SPARCL1: variants seen among roughly 807,000 people sequenced by gnomAD.
SPARCL1 encodes the protein SPARC-like protein 1.
SPARCL1 carries 52 observed loss-of-function variants against 67.1 expected under a neutral mutation model. That is an observed-to-expected ratio of 0.78 (90% CI 0.62 to 0.98). SPARCL1 has a LOEUF of 0.98. SPARCL1 is among the 50% of genes least tolerant of loss of function. SPARCL1 has a pLI of 0.00. For missense variants in SPARCL1, 717 were observed against 782.4 expected (o/e 0.92, Z 1.00); for synonymous variants, 226 against 267.8 (o/e 0.84, Z 1.52).
At chr4:87,515,898 ATAT>A (rs1725562831) in intron 1 of SPARCL1, among the ~76,000 whole-genome samples, 1 of 152,200 alleles carries the variant, frequency 6.6e-6, no homozygotes, top group Non-Finnish European at 1.5e-5. Context: ...ATAGGTATAA[ATAT>A]TATGGTAGAG....
chr4:87,510,789 T>C (rs4693827), intron 1 of SPARCL1, among the ~76,000 whole-genome samples: 51,213 of 152,094 alleles, frequency 0.34, 9,638 homozygotes, highest in East Asian at 0.6. Context: ...CGGAAGGCAG[T>C]TGCCCTACGT....
intron 4 of SPARCL1, among the ~76,000 whole-genome samples, chr4:87,491,951 CCCCCA>C (rs797003321): frequency 0.078 from 4,615 of 59,068 alleles, 329 homozygotes; most frequent in African/African-American, 0.3. Flanking sequence ...CCCACCCCCC[CCCCCA>C]AAAAAAAAAA....
At chr4:87,479,309 C>T in intron 10 of SPARCL1, 121 bp downstream of exon 10, 1 of 1,073,918 alleles carries the variant, frequency 9.3e-7, no homozygotes, top group Non-Finnish European at 1.4e-6. Context: ...GGGAAGCTGC[C>T]ACCTTTTTTT....
chr4:87,480,506 G>A lies in SPARCL1; in HGVS notation c.1683C>T (p.Tyr561=), dbSNP rs1360689776. The change falls in exon 9 of 11, where the codon TAC becomes TAT. Residue 561 remains tyrosine (Y), a synonymous_variant. Transcript: ENST00000282470. ...EKQRNKVKKI[Y]LDEKRLLAGD... ...CAGCCAAAAGCCTCTTTTCATCCAGGTAAATTTTCTTGACCTGGGATTAGG... is the reference window on the plus strand; with the variant it reads ...CAGCCAAAAGCCTCTTTTCATCCAGATAAATTTTCTTGACCTGGGATTAGG... 4.4e-6 allele frequency: 7 copies of A among 1,608,532 alleles called. No homozygotes were observed. The Admixed American group carries it at 1.2e-4, about 27-fold the overall frequency.
At chr4:87,500,763 A>G (rs1215752065) in intron 1 of SPARCL1, among the ~76,000 whole-genome samples, 1 of 152,222 alleles carries the variant, frequency 6.6e-6, no homozygotes, top group African/African-American at 2.4e-5. Flanking sequence ...TATTGCAACA[A>G]CTATCACTTC....
intron 3 of SPARCL1, 102 bp from the exon 4 acceptor site, chr4:87,494,700 A>G (rs533511195): frequency 1.4e-5 from 14 of 984,708 alleles, no homozygotes; most frequent in African/African-American, 6.6e-5. Context: ...TTCACACACT[A>G]TCATGTAAAC....
chr4:87,491,369 A>G (rs1724318556), intron 5 of SPARCL1, among the ~76,000 whole-genome samples: 1 of 152,254 alleles, frequency 6.6e-6, no homozygotes, highest in African/African-American at 2.4e-5. Flanking sequence ...AAAAGGATTT[A>G]AGGAAGAACT....
chr4:87,473,804 C>T lies in SPARCL1; in HGVS notation c.1967-1G>A, dbSNP rs370529794. ...AACAAGAGATTTTCATCTATGTCCT[C>T]TATAAAAAAACAAGAAGCAAAATGA... On this transcript the variant is annotated splice_acceptor_variant, in intron 10 of 10. Transcript: ENST00000282470. LOFTEE classifies it high-confidence loss of function. 3.9e-5 allele frequency: 62 copies of T among 1,604,194 alleles called. No individual in the cohort carries two copies. The highest frequency in any genetic ancestry group is 5.1e-5 in the Non-Finnish European group (60 of 1,173,622).
Position 87,479,197 on chromosome 4 carries a change from C to A in SPARCL1, c.1966+233G>T, listed in dbSNP as rs569091417. 2.6e-5 allele frequency among the ~76,000 whole-genome samples: 4 copies of A among 152,292 alleles called. No homozygotes were observed. The East Asian group carries it at 7.7e-4, about 29-fold the overall frequency. ...TTCTAGGCTTAGCTGACTGTTGAGA[C>A]CTCAATGCATGTTCACCCTTGCTAC... On this transcript the variant is annotated intron_variant, in intron 10 of 10. Transcript: ENST00000282470.
At chr4:87,528,474 G>A (rs1044688815) in intron 1 of SPARCL1, 1 of 151,844 alleles carries the variant, frequency 6.6e-6, no homozygotes, top group Non-Finnish European at 1.5e-5. Context: ...GCTGTAAAAG[G>A]GAACCAAGAA....
chr4:87,491,113 T>C (rs530816905), intron 5 of SPARCL1, among the ~76,000 whole-genome samples: 3 of 152,210 alleles, frequency 2.0e-5, no homozygotes, highest in Non-Finnish European at 2.9e-5. Flanking sequence ...TAATCTAGAT[T>C]TCCTCTTGCA....
chr4:87,480,858 A>G (rs753377792), intron 8 of SPARCL1, among the ~76,000 whole-genome samples: 3 of 150,164 alleles, frequency 2.0e-5, no homozygotes, highest in Non-Finnish European at 2.9e-5. Context: ...GTTTTAATGA[A>G]AAGGGCTGAA....
At chr4:87,488,471 G>A (rs1011709746) in intron 7 of SPARCL1, among the ~76,000 whole-genome samples, 5 of 152,202 alleles carry the variant, frequency 3.3e-5, no homozygotes, top group Middle Eastern at 3.4e-3. Flanking sequence ...TGGAAGCTTC[G>A]TCCCAGAGGG....
chr4:87,485,758 A>G (rs1452957538), intron 7 of SPARCL1, among the ~76,000 whole-genome samples: 1 of 152,100 alleles, frequency 6.6e-6, no homozygotes, highest in Non-Finnish European at 1.5e-5. Context: ...TTATTGGTCT[A>G]TTCAGGGATT....
chr4:87,482,640 G>C, intron 7 of SPARCL1, 80 bp from the exon 8 acceptor site: 1 of 1,505,126 alleles, frequency 6.6e-7, no homozygotes, highest in Non-Finnish European at 9.1e-7. Flanking sequence ...GAAGCTTAAC[G>C]ACTTCTGGCA....
intron 1 of SPARCL1, among the ~76,000 whole-genome samples, chr4:87,509,780 T>C (rs1248572687): frequency 1.3e-5 from 2 of 152,232 alleles, no homozygotes; most frequent in Non-Finnish European, 2.9e-5. Context: ...TAAGTGTCTG[T>C]GTGTGCACGC....
intron 1 of SPARCL1, among the ~76,000 whole-genome samples, chr4:87,517,400 G>A (rs972782102): frequency 1.2e-4 from 19 of 152,170 alleles, no homozygotes; most frequent in South Asian, 4.1e-4. Context: ...AAGTCCTGGC[G>A]TTTGTGACGT....
intron 1 of SPARCL1, among the ~76,000 whole-genome samples, chr4:87,500,617 T>C (rs1321983512): frequency 1.3e-5 from 2 of 152,120 alleles, no homozygotes; most frequent in Non-Finnish European, 2.9e-5. Context: ...CATAAACACA[T>C]TCACAGAGTT....
intron 2 of SPARCL1, chr4:87,497,209 T>G: frequency 1.0e-6 from 1 of 985,338 alleles, no homozygotes; most frequent in Non-Finnish European, 1.2e-6. Context: ...TTAGGTTTGG[T>G]TTGCTCCTTT....
Sources: allele counts gnomAD v4.1 joint callset (sites outside exome capture counted in the v4.1 genomes callset), GRCh38; gene constraint gnomAD v4.1.1; transcripts MANE v1.5; gene names NCBI Gene and HGNC (gene_info 2026-07-23, HGNC 2026-07-21).